The following YTHDC1 variants were observed in gnomAD, a reference collection of about 807,000 sequenced individuals.
YTHDC1 encodes the protein YTH domain-containing protein 1.
Under a neutral mutation model 107.0 loss-of-function variants are expected in YTHDC1, and 12 were observed. The observed-to-expected ratio is 0.11, with a 90% CI of 0.07 to 0.18. The LOEUF is 0.18. Among genes scored for constraint, YTHDC1 ranks in the 10% least tolerant of loss-of-function variants. The probability of loss-of-function intolerance (pLI) is 1.00; values close to 1 mark genes in which losing one functional copy is unlikely to be tolerated. For synonymous variants in YTHDC1, 280 were observed against 289.5 expected (o/e 0.97, Z 0.33); for missense variants, 635 against 898.8 (o/e 0.71, Z 3.75).
intron 16 of YTHDC1, 90 bp downstream of exon 16, chr4:68,316,224 G>A (rs12649108): frequency 0.26 from 356,372 of 1,393,304 alleles, 48,541 homozygotes; most frequent in East Asian, 0.51. Flanking sequence ...GCAATGGTCC[G>A]TCAATCATCA....
chr4:68,314,732 T>G (rs1246990580), intron 16 of YTHDC1, among the ~76,000 whole-genome samples: 1 of 152,230 alleles, frequency 6.6e-6, no homozygotes, highest in African/African-American at 2.4e-5. Context: ...ACAGGCTAGC[T>G]CTACATTTTT....
At chr4:68,348,531 A>G (rs1299269576) in intron 1 of YTHDC1, among the ~76,000 whole-genome samples, 1 of 151,972 alleles carries the variant, frequency 6.6e-6, no homozygotes, top group Non-Finnish European at 1.5e-5. Context: ...TTAAGGATGG[A>G]ACATTAAACT....
At chr4:68,329,393 G>A (rs1475211573) in intron 9 of YTHDC1, among the ~76,000 whole-genome samples, 7 of 152,070 alleles carry the variant, frequency 4.6e-5, no homozygotes, top group African/African-American at 1.7e-4. Flanking sequence ...AACTCACAAA[G>A]TAACCATCTC....
chr4:68,323,243 TG>T (rs1254564913), intron 10 of YTHDC1, among the ~76,000 whole-genome samples: 1 of 151,752 alleles, frequency 6.6e-6, no homozygotes, highest in Non-Finnish European at 1.5e-5. Flanking sequence ...TTTAATACAA[TG>T]GAAAAAAAAA....
At chr4:68,329,033 T>C (rs1723290466) in intron 9 of YTHDC1, among the ~76,000 whole-genome samples, 1 of 152,218 alleles carries the variant, frequency 6.6e-6, no homozygotes, top group Non-Finnish European at 1.5e-5. Flanking sequence ...GGTATGTCAC[T>C]ACACAGTAAG....
intron 1 of YTHDC1, chr4:68,344,168 G>A (rs1394661585): frequency 6.7e-6 from 1 of 149,530 alleles, no homozygotes; most frequent in Non-Finnish European, 1.5e-5. Flanking sequence ...TGTATCTGGT[G>A]AATCAGTATT....
At chr4:68,348,451 G>A (rs1365286715) in intron 1 of YTHDC1, among the ~76,000 whole-genome samples, 2 of 136,366 alleles carry the variant, frequency 1.5e-5, no homozygotes, top group African/African-American at 2.8e-5. Context: ...ACAATCCTAT[G>A]TTCCCATTAC....
At chr4:68,332,937 C>A in intron 5 of YTHDC1, 90 bp from the exon 6 acceptor site, 1 of 1,139,386 alleles carries the variant, frequency 8.8e-7, no homozygotes, top group Non-Finnish European at 1.3e-6. Context: ...AATTCTCATT[C>A]AAGACAAATT....
chr4:68,346,939 GAA>G lies in YTHDC1; in HGVS notation c.28+2785_28+2786del, dbSNP rs367722160. Among the ~76,000 whole-genome samples, 903 of 152,258 alleles carry G rather than the reference GAA, an allele frequency of 5.9e-3. 11 individuals carry two copies. The highest frequency in any genetic ancestry group is 0.021 in the African/African-American group (852 of 41,542). On this transcript the variant is annotated intron_variant, in intron 1 of 16. Transcript: ENST00000344157. ...GTGGATCTTAGAACGTATTTACCAG[GAA>G]AATAAGGCTGGTAGAGGTTGGGGGT...
chr4:68,333,397 T>A lies in YTHDC1; in HGVS notation c.884A>T (p.Asp295Val). 6.3e-7 allele frequency: 1 copy of A among 1,596,770 alleles called. No homozygotes were observed. The highest frequency in any genetic ancestry group is 8.5e-7 in the Non-Finnish European group (1 of 1,171,652). Residue 295 changes from aspartate (D) to valine (V), a missense_variant and splice_region_variant, in exon 5 of 17, where the codon GAT becomes GTT. This residue lies in a region of YTHDC1 where 294 missense variants were observed against 312.3 expected (regional missense o/e 0.94). Coordinates refer to ENST00000344157, the MANE Select transcript of YTHDC1 (RefSeq NM_001031732.4). ...TCTCTTCCTTTCCTTCTTTTTCTCA[T>A]CTAAAAAGAACAAGAGTTTTTTTTT... ...VRSGSGTDGSDEKKKERKRAR... is the reference protein window; with the variant it reads ...VRSGSGTDGSVEKKKERKRAR...
intron 1 of YTHDC1, among the ~76,000 whole-genome samples, chr4:68,340,363 T>C (rs1724678770): frequency 6.6e-6 from 1 of 152,274 alleles, no homozygotes; most frequent in East Asian, 1.9e-4. Flanking sequence ...AATGCTGATA[T>C]GTACTTTCTA....
chr4:68,329,865 T>C (rs1723388053), intron 9 of YTHDC1, 137 bp downstream of exon 9: 1 of 621,094 alleles, frequency 1.6e-6, no homozygotes, highest in East Asian at 2.5e-5. Flanking sequence ...TACGCCTTTG[T>C]TGTGTCCCAC....
intron 9 of YTHDC1, among the ~76,000 whole-genome samples, chr4:68,328,740 A>C (rs72846032): frequency 0.011 from 1,636 of 152,302 alleles, 26 homozygotes; most frequent in African/African-American, 0.037. Flanking sequence ...TCACTTAATG[A>C]CAGGGATACA....
Position 68,337,155 on chromosome 4 carries a change from T to A in YTHDC1, c.755A>T (p.Gln252Leu). Reference sequence around the variant, plus strand: ...CTCCTCTTTCTGGTCTCTCTCATCCTGTTCATATTCTTCTTCTTCCTCCTC... The same window carrying A: ...CTCCTCTTTCTGGTCTCTCTCATCCAGTTCATATTCTTCTTCTTCCTCCTC... ...EEEEEEEEYE[Q>L]DERDQKEEGN... Residue 252 changes from glutamine to leucine, a missense_variant, in exon 4 of 17, where the codon CAG becomes CTG. By Grantham distance (113) the Gln-to-Leu change is moderately radical. Transcript: ENST00000344157. 2 of 1,614,066 alleles carry A rather than the reference T, an allele frequency of 1.2e-6. No individual in the cohort carries two copies. The highest frequency in any genetic ancestry group is 1.7e-6 in the Non-Finnish European group (2 of 1,179,980).
chr4:68,310,964 G>A lies in YTHDC1; in HGVS notation c.*3135C>T, dbSNP rs1288434098. On this transcript the variant is annotated 3_prime_UTR_variant, in exon 17 of 17. Transcript: ENST00000344157. ...AATACTCTGAAAAGTCAAACATTCAGGTGTTATAACTTGTATGAGATCCTG... is the reference window on the plus strand; with the variant it reads ...AATACTCTGAAAAGTCAAACATTCAAGTGTTATAACTTGTATGAGATCCTG... The A allele has an allele frequency of 6.6e-6, 1 of 152,072 alleles. No individual in the cohort carries two copies. Among genetic ancestry groups the A allele is most frequent in the Non-Finnish European group, 1.5e-5 (1 of 68,030 alleles). 9.4% of individuals were successfully genotyped at this position (152,072 alleles called of 1,614,324 possible). A position where few individuals can be genotyped will look rare whatever the true frequency, so the allele number is the denominator to read the frequency against.
intron 1 of YTHDC1, among the ~76,000 whole-genome samples, chr4:68,348,755 C>T (rs144287096): frequency 2.1e-3 from 321 of 152,270 alleles, no homozygotes; most frequent in African/African-American, 7.2e-3. Flanking sequence ...GACAAAAAAA[C>T]CCCAAATCAA....
In YTHDC1 at chr4:68,349,843, CGTCCGTCA is replaced by C. The variant is rs1250629633; in HGVS notation, c.-98_-91del. The C allele has an allele frequency of 3.2e-6, 5 of 1,579,848 alleles. No individual in the cohort carries two copies. The highest frequency in any genetic ancestry group is 2.7e-5 in the African/African-American group (2 of 74,154). ...CGCAGCCGCGGCAGAAGCACGGGCC[CGTCCGTCA>C]GTCCGTCTGCCCGGATACGCGCGTC... On this transcript the variant is annotated 5_prime_UTR_variant, in exon 1 of 17. Transcript: ENST00000344157.
At chr4:68,333,623 C>T (rs956806772) in intron 4 of YTHDC1, among the ~76,000 whole-genome samples, 5 of 152,052 alleles carry the variant, frequency 3.3e-5, no homozygotes, top group Non-Finnish European at 4.4e-5. Context: ...TAAAAACACA[C>T]GAAATAACTA....
intron 9 of YTHDC1, among the ~76,000 whole-genome samples, chr4:68,325,496 G>A (rs751979510): frequency 1.3e-5 from 2 of 152,162 alleles, no homozygotes; most frequent in Non-Finnish European, 2.9e-5. Flanking sequence ...CAGTGAACAT[G>A]CCACATAACC....
Sources: allele counts gnomAD v4.1 joint callset (sites outside exome capture counted in the v4.1 genomes callset), GRCh38; gene constraint gnomAD v4.1.1; regional missense constraint gnomAD v4.1.1; transcripts MANE v1.5; gene names NCBI Gene and HGNC (gene_info 2026-07-23, HGNC 2026-07-21).